Variants in MRC2 observed in about 807,000 individuals in gnomAD.
MRC2 encodes mannose receptor C-type 2.
A neutral mutation model predicts 206.2 loss-of-function variants in MRC2; 84 were observed. That is an observed-to-expected ratio of 0.41 (90% confidence interval 0.34 to 0.49). The LOEUF (loss-of-function observed/expected upper bound fraction) is 0.49. Ranked by LOEUF, MRC2 falls within the 20% of genes least tolerant of loss-of-function variation. MRC2 has a pLI of 0.31. For missense variants in MRC2, 1,676 were observed against 2,001.5 expected (o/e 0.84, Z 3.10); for synonymous variants, 798 against 800.0 (o/e 1.00, Z 0.04).
intron 1 of MRC2, among the ~76,000 whole-genome samples, chr17:62,643,041 A>G (rs1445970607): frequency 6.6e-6 from 1 of 152,110 alleles, no homozygotes; most frequent in African/African-American, 2.4e-5. Flanking sequence ...AGAAAACACC[A>G]AAATAGCCAG....
In MRC2 at chr17:62,680,728, C is replaced by A; in HGVS notation, c.2474-72C>A. Reference sequence around the variant, plus strand: ...CCGCCTGGCTCTGCCCCGGCCCTGCCGCGCCCGCCTCCGGGGCCTGGCGTG... The same window carrying A: ...CCGCCTGGCTCTGCCCCGGCCCTGCAGCGCCCGCCTCCGGGGCCTGGCGTG... On this transcript the variant is annotated intron_variant, in intron 16 of 29. Coordinates refer to ENST00000303375, the MANE Select transcript of MRC2 (RefSeq NM_006039.5). This position sits in a 1 kb window ranked among gnomAD's most constrained non-coding sequence, Gnocchi z 4.8. 1 of 1,408,504 alleles carries A rather than the reference C, an allele frequency of 7.1e-7. No homozygotes were observed. The highest frequency in any genetic ancestry group is 9.2e-7 in the Non-Finnish European group (1 of 1,085,064). 87.3% of individuals were successfully genotyped at this position (1,408,504 alleles called of 1,614,324 possible). A position where few individuals can be genotyped will look rare whatever the true frequency, so the allele number is the denominator to read the frequency against.
chr17:62,683,132 G>A (rs2088990561), intron 20 of MRC2, among the ~76,000 whole-genome samples: 1 of 152,122 alleles, frequency 6.6e-6, no homozygotes, highest in Non-Finnish European at 1.5e-5. Flanking sequence ...GAACAAAAGA[G>A]TATAAAACAT....
intron 1 of MRC2, among the ~76,000 whole-genome samples, chr17:62,653,726 T>G (rs1034302884): frequency 1.3e-5 from 2 of 151,046 alleles, no homozygotes; most frequent in Non-Finnish European, 3.0e-5. Context: ...CTGGCTGGGA[T>G]GGAGGGGCTG....
At chr17:62,678,741 G>A in intron 13 of MRC2, 95 bp downstream of exon 13, 1 of 1,546,758 alleles carries the variant, frequency 6.5e-7, no homozygotes, top group East Asian at 2.3e-5. Context: ...GGCGAGCAGG[G>A]GGATGGCAGA....
chr17:62,674,232 G>A, intron 9 of MRC2, 62 bp downstream of exon 9: 2 of 1,268,066 alleles, frequency 1.6e-6, no homozygotes, highest in Non-Finnish European at 2.2e-6. Context: ...ACCAGGGGAG[G>A]GAGAGGTGGA....
chr17:62,630,810 G>GAGTCA, intron 1 of MRC2, among the ~76,000 whole-genome samples: 2 of 152,086 alleles, frequency 1.3e-5, no homozygotes, highest in Middle Eastern at 3.4e-3. Context: ...GCTCTGACCA[G>GAGTCA]AGTCAGCCAG....
At chr17:62,668,013 G>A (rs2088778831) in intron 6 of MRC2, among the ~76,000 whole-genome samples, 1 of 152,172 alleles carries the variant, frequency 6.6e-6, no homozygotes, top group Non-Finnish European at 1.5e-5. Flanking sequence ...GCAGAGGGAA[G>A]AGCATATGCA....
chr17:62,644,824 T>G (rs911516634), intron 1 of MRC2, among the ~76,000 whole-genome samples: 15 of 151,948 alleles, frequency 9.9e-5, no homozygotes, highest in African/African-American at 3.4e-4. Flanking sequence ...TCCGAGATTC[T>G]GCGGGAGAGA....
intron 1 of MRC2, among the ~76,000 whole-genome samples, chr17:62,654,585 C>T (rs868063504): frequency 6.6e-6 from 1 of 152,112 alleles, no homozygotes; most frequent in African/African-American, 2.4e-5. Context: ...GGGGAAACTG[C>T]AGCAACAGCT....
chr17:62,673,516 T>C (rs1029058415), intron 8 of MRC2, among the ~76,000 whole-genome samples: 2 of 151,300 alleles, frequency 1.3e-5, no homozygotes, highest in Non-Finnish European at 3.0e-5. Flanking sequence ...CCTTTTTTTT[T>C]TTTTTTTTTT....
chr17:62,635,281 G>A (rs1156439182), intron 1 of MRC2, among the ~76,000 whole-genome samples: 1 of 138,488 alleles, frequency 7.2e-6, no homozygotes, highest in Non-Finnish European at 1.5e-5. Flanking sequence ...GTGCCAAAAA[G>A]TAATCATAGT....
rs138075046 is a variant in MRC2 at position 62,688,899 on chromosome 17, C to T, written c.3273C>T (p.Gly1091=). 3.1e-6 allele frequency: 5 copies of T among 1,613,604 alleles called. No individual in the cohort carries two copies. In the African/African-American group the frequency reaches 4.0e-5, roughly 13 times the overall value. Residue 1091 remains glycine (G), a synonymous_variant, in exon 23 of 30, where the codon GGC becomes GGT. Coordinates refer to ENST00000303375, the MANE Select transcript of MRC2 (RefSeq NM_006039.5). ...ACAGCCCCTCAGCCCACTTCACTGGCCGCTGGGACGATCGGAGCTGCACGG... is the reference window on the plus strand; with the variant it reads ...ACAGCCCCTCAGCCCACTTCACTGGTCGCTGGGACGATCGGAGCTGCACGG... The part of the protein sequence containing the change: ...VLHSPSAHFT[G]RWDDRSCTEE...
intron 1 of MRC2, among the ~76,000 whole-genome samples, chr17:62,645,986 C>G (rs1224758655): frequency 1.3e-5 from 2 of 151,474 alleles, no homozygotes; most frequent in East Asian, 1.9e-4. Context: ...TAACTTATCC[C>G]CTATTGGACA....
At chr17:62,689,444 G>A (rs2147493850) in intron 23 of MRC2, 78 bp from the exon 24 acceptor site, 1 of 999,328 alleles carries the variant, frequency 1.0e-6, no homozygotes, top group Non-Finnish European at 1.5e-6. Context: ...CCTGGTGTGC[G>A]GCCTTCTCCT....
At chr17:62,660,815 A>G (rs2088670914) in intron 1 of MRC2, among the ~76,000 whole-genome samples, 1 of 152,208 alleles carries the variant, frequency 6.6e-6, no homozygotes, top group African/African-American at 2.4e-5. Flanking sequence ...GACATTATCC[A>G]CAATGTCCAG....
At chr17:62,645,480 A>ATG (rs150162692) in intron 1 of MRC2, among the ~76,000 whole-genome samples, 19,066 of 72,116 alleles carry the variant, frequency 0.26, 3,598 homozygotes, top group East Asian at 0.52. Flanking sequence ...TACACATAAT[A>ATG]TGTGTGTGTG....
intron 1 of MRC2, among the ~76,000 whole-genome samples, chr17:62,647,415 C>G (rs1229201734): frequency 6.6e-6 from 1 of 151,884 alleles, no homozygotes; most frequent in African/African-American, 2.4e-5. Flanking sequence ...GAACTCCTGA[C>G]CTCAGGTGAT....
intron 13 of MRC2, 57 bp downstream of exon 13, chr17:62,678,703 C>T: frequency 6.3e-7 from 1 of 1,575,394 alleles, no homozygotes; most frequent in Non-Finnish European, 8.6e-7. Flanking sequence ...TAGGAGCAGG[C>T]ATGGCCGACA....
chr17:62,689,226 G>A lies in MRC2; in HGVS notation c.3334+266G>A, dbSNP rs551726605. ...TGCATGAAGTGCTGGCACGTGTGGC[G>A]TCAAGGACCCTGAGGTTCCAGGTCC... On this transcript the variant is annotated intron_variant, in intron 23 of 29. Transcript: ENST00000303375. 1.3e-4 allele frequency: 78 copies of A among 585,924 alleles called. No individual in the cohort carries two copies. The Middle Eastern group carries it at 2.7e-3, about 20-fold the overall frequency. The allele number at this position is 585,924 out of a possible 1,614,324, so 36.3% of individuals were successfully genotyped here. A position where few individuals can be genotyped will look rare whatever the true frequency, so the allele number is the denominator to read the frequency against.
Sources: gnomAD v4.1 joint callset for allele counts (sites outside exome capture counted in the v4.1 genomes callset) on GRCh38, gnomAD v4.1.1 for gene constraint, Gnocchi (gnomAD v3.1) non-coding constraint, MANE v1.5 for transcripts, NCBI Gene and HGNC (gene_info 2026-07-23, HGNC 2026-07-21) for gene names.